Variants in DLG2 observed in about 807,000 individuals in gnomAD.
DLG2 encodes the protein disks large homolog 2.
A neutral mutation model predicts 132.5 loss-of-function variants in DLG2; 45 were observed. That is an observed-to-expected ratio of 0.34 (90% confidence interval 0.27 to 0.44). The LOEUF is 0.44. Among genes scored for constraint, DLG2 ranks in the 20% least tolerant of loss-of-function variants. DLG2 has a pLI of 1.00. For missense variants in DLG2, 1,045 were observed against 1,196.9 expected, an observed-to-expected ratio of 0.87 and a Z score of 1.87; for synonymous variants, 424 against 419.6, an observed-to-expected ratio of 1.01 and a Z score of -0.13.
At chr11:84,309,270 C>T (rs2098264047) in intron 7 of DLG2, among the ~76,000 whole-genome samples, 1 of 152,182 alleles carries the variant, frequency 6.6e-6, no homozygotes, top group Non-Finnish European at 1.5e-5. Context: ...TTGGGAATCA[C>T]TGGTCTAAAT....
chr11:84,545,474 A>G, intron 6 of DLG2: 1 of 416,884 alleles, frequency 2.4e-6, no homozygotes, highest in South Asian at 1.9e-5. Flanking sequence ...CTCCACAACC[A>G]CCACCAAAGC....
chr11:84,478,891 C>A (rs1317993799), intron 7 of DLG2, among the ~76,000 whole-genome samples: 1 of 151,932 alleles, frequency 6.6e-6, no homozygotes, highest in Non-Finnish European at 1.5e-5. Context: ...ATCTTCTTTG[C>A]ATAACAATAA....
intron 8 of DLG2, among the ~76,000 whole-genome samples, chr11:84,222,487 G>C (rs2096929713): frequency 6.6e-6 from 1 of 152,162 alleles, no homozygotes; most frequent in African/African-American, 2.4e-5. Context: ...ATAAGAAAGG[G>C]CTATAAAATG....
chr11:85,311,103 C>A (rs746974420), intron 3 of DLG2, among the ~76,000 whole-genome samples: 2 of 152,100 alleles, frequency 1.3e-5, no homozygotes, highest in African/African-American at 4.8e-5. Context: ...TACAAACAAA[C>A]GTAAGCAAAG....
intron 9 of DLG2, among the ~76,000 whole-genome samples, chr11:84,151,335 G>C (rs1345059620): frequency 2.6e-5 from 4 of 152,028 alleles, no homozygotes; most frequent in African/African-American, 9.7e-5. Flanking sequence ...TAGCTTGTGT[G>C]TATAGAGGTG....
chr11:85,132,609 A>G (rs1218910118), intron 5 of DLG2, among the ~76,000 whole-genome samples: 2 of 152,052 alleles, frequency 1.3e-5, no homozygotes, highest in African/African-American at 4.8e-5. Flanking sequence ...TAAAGACAGG[A>G]CCCCCCAGAC....
chr11:85,393,754 T>C (rs2087022594), intron 3 of DLG2, among the ~76,000 whole-genome samples: 1 of 152,020 alleles, frequency 6.6e-6, no homozygotes, highest in Admixed American at 6.6e-5. Context: ...ATATTTTATG[T>C]ATATATGTGG....
At chr11:83,710,071 A>T (rs534154430) in intron 18 of DLG2, among the ~76,000 whole-genome samples, 1 of 152,258 alleles carries the variant, frequency 6.6e-6, no homozygotes, top group East Asian at 1.9e-4. Flanking sequence ...AAAACAAAGG[A>T]GAGAGGAATA....
At chr11:85,550,022 C>T (rs1023816810) in intron 3 of DLG2, among the ~76,000 whole-genome samples, 3 of 152,252 alleles carry the variant, frequency 2.0e-5, no homozygotes, top group Admixed American at 1.3e-4. Context: ...CATGCCACCA[C>T]TCTGCCTATG....
intron 4 of DLG2, among the ~76,000 whole-genome samples, chr11:85,185,105 T>C (rs2079996409): frequency 6.6e-6 from 1 of 151,980 alleles, no homozygotes. Flanking sequence ...GATGATTTTA[T>C]ATTGTGAGCA....
chr11:84,174,164 T>G (rs547270101), intron 8 of DLG2, among the ~76,000 whole-genome samples: 49 of 151,978 alleles, frequency 3.2e-4, no homozygotes, highest in Non-Finnish European at 5.6e-4. Flanking sequence ...ATTTTTTTTT[T>G]GTCATATACA....
chr11:85,254,842 T>C (rs1056720779), intron 4 of DLG2, among the ~76,000 whole-genome samples: 3 of 151,756 alleles, frequency 2.0e-5, no homozygotes, highest in African/African-American at 7.3e-5. Flanking sequence ...CTACTAAAAA[T>C]ACAAAAAAAT....
At chr11:84,365,735 G>C (rs2098678401) in intron 7 of DLG2, among the ~76,000 whole-genome samples, 2 of 151,836 alleles carry the variant, frequency 1.3e-5, no homozygotes, top group South Asian at 4.1e-4. Flanking sequence ...TGGTTTCAAA[G>C]AACATCTTTA....
intron 8 of DLG2, among the ~76,000 whole-genome samples, chr11:84,210,358 G>A (rs1160037782): frequency 1.4e-5 from 2 of 143,646 alleles, no homozygotes; most frequent in Non-Finnish European, 3.0e-5. Context: ...GACACAGGAA[G>A]GGGAATATCA....
At chr11:84,859,511 A>G (rs951183621) in intron 6 of DLG2, among the ~76,000 whole-genome samples, 1 of 149,076 alleles carries the variant, frequency 6.7e-6, no homozygotes, top group Admixed American at 6.8e-5. Context: ...ATCTAAACTT[A>G]TATTGAAAAA....
intron 3 of DLG2, among the ~76,000 whole-genome samples, chr11:85,456,444 G>A (rs1157262298): frequency 1.3e-5 from 2 of 152,026 alleles, no homozygotes; most frequent in Non-Finnish European, 2.9e-5. Context: ...CTTTTGTATG[G>A]TGTTTTCACA....
chr11:85,035,478 G>A (rs2061363605), intron 6 of DLG2, among the ~76,000 whole-genome samples: 1 of 152,108 alleles, frequency 6.6e-6, no homozygotes, highest in South Asian at 2.1e-4. Flanking sequence ...ATGGCGGCAG[G>A]CGAGAGGTGA....
chr11:83,518,802 A>G (rs2095385115), intron 21 of DLG2, among the ~76,000 whole-genome samples: 1 of 152,214 alleles, frequency 6.6e-6, no homozygotes, highest in African/African-American at 2.4e-5. Context: ...ATGATGTGAG[A>G]TGAAATTAAA....
rs538234421 is a variant in DLG2, at chr11:84,529,883, C to T, written c.519+4687G>A. ...AAGCTGTGAGTATCACATTCTTGGACTTCAAACTGTACTACAGGGCTATAG... is the reference window on the plus strand; with the variant it reads ...AAGCTGTGAGTATCACATTCTTGGATTTCAAACTGTACTACAGGGCTATAG... On this transcript the variant is annotated intron_variant, in intron 7 of 27. Coordinates refer to ENST00000376104, the MANE Select transcript of DLG2 (RefSeq NM_001142699.3). 2.0e-5 allele frequency among the ~76,000 whole-genome samples: 3 copies of T among 152,296 alleles called. No homozygotes were observed. In the East Asian group the frequency reaches 5.8e-4, roughly 29 times the overall value.
Sources: allele counts gnomAD v4.1 joint callset (sites outside exome capture counted in the v4.1 genomes callset), GRCh38; gene constraint gnomAD v4.1.1; transcripts MANE v1.5; gene names NCBI Gene and HGNC (gene_info 2026-07-23, HGNC 2026-07-21).